The following ATR variants were observed in gnomAD, a reference collection of about 807,000 sequenced individuals.
ATR encodes the protein ATR checkpoint kinase, also known as serine/threonine-protein kinase ATR.
Under a neutral mutation model 305.3 loss-of-function variants are expected in ATR, and 142 were observed. That is an observed-to-expected ratio of 0.47 (90% CI 0.41 to 0.53). The LOEUF (loss-of-function observed/expected upper bound fraction) is 0.53, where lower values mean the gene tolerates loss of function less well. Ranked by LOEUF, ATR falls within the 20% of genes least tolerant of loss-of-function variation. The probability of loss-of-function intolerance (pLI) is 0.00; values close to 1 mark genes in which losing one functional copy is unlikely to be tolerated. For synonymous variants in ATR, 1,050 were observed against 1,068.1 expected, an observed-to-expected ratio of 0.98 and a Z score of 0.33; for missense variants, 2,135 against 3,133.1, an observed-to-expected ratio of 0.68 and a Z score of 7.60.
chr3:142,464,189 G>A (rs1244359260), intron 41 of ATR, among the ~76,000 whole-genome samples: 2 of 152,128 alleles, frequency 1.3e-5, no homozygotes, highest in Non-Finnish European at 2.9e-5. Context: ...GCAGTGGCAT[G>A]ATCATAGCTC....
chr3:142,524,833 T>C (rs2033301862), intron 21 of ATR, among the ~76,000 whole-genome samples: 1 of 152,210 alleles, frequency 6.6e-6, no homozygotes, highest in African/African-American at 2.4e-5. Context: ...GATGCTGTAA[T>C]GAATAAAATG....
At chr3:142,522,904 T>A (rs1194328888) in intron 22 of ATR, 63 bp from the exon 23 acceptor site, 38 of 1,234,378 alleles carry the variant, frequency 3.1e-5, no homozygotes, top group Non-Finnish European at 4.4e-5. Context: ...TTAGGTGTAC[T>A]GCTTTTTCCA....
In ATR at chr3:142,561,363, T is replaced by A. The variant is rs2034871528; in HGVS notation, c.1229A>T (p.Glu410Val). The A allele has an allele frequency of 6.2e-7, 1 of 1,614,084 alleles. No homozygotes were observed. The highest frequency in any genetic ancestry group is 8.5e-7 in the Non-Finnish European group (1 of 1,179,964). ...LKMESMEIIEEIQCQTQQENL... is the reference protein window; with the variant it reads ...LKMESMEIIEVIQCQTQQENL... ...TTCCTGTTGAGTTTGGCATTGAATC[T>A]CCTCAATGATTTCCATACTTTCCAT... Residue 410 changes from glutamate to valine, a missense_variant, in exon 5 of 47, where the codon GAG becomes GTG. Coordinates refer to ENST00000350721, the MANE Select transcript of ATR (RefSeq NM_001184.4).
chr3:142,489,017 T>C (rs184279711), intron 35 of ATR, among the ~76,000 whole-genome samples: 10 of 152,310 alleles, frequency 6.6e-5, no homozygotes, highest in Non-Finnish European at 1.5e-4. Context: ...ATCATTTTTA[T>C]TGCTATCCTA....
At chr3:142,483,496 C>T (rs903588308) in intron 36 of ATR, among the ~76,000 whole-genome samples, 3 of 152,000 alleles carry the variant, frequency 2.0e-5, no homozygotes, top group Middle Eastern at 3.2e-3. Flanking sequence ...ATATATTATA[C>T]CACTTCTTAT....
intron 14 of ATR, 97 bp downstream of exon 14, chr3:142,550,035 A>G (rs2034417085): frequency 6.8e-6 from 10 of 1,475,318 alleles, no homozygotes; most frequent in Non-Finnish European, 1.9e-6. Flanking sequence ...TAAGTTTTAC[A>G]GCATAAGCAA....
At chr3:142,538,994 G>A (rs989451715) in intron 18 of ATR, among the ~76,000 whole-genome samples, 124 of 151,924 alleles carry the variant, frequency 8.2e-4, no homozygotes, top group African/African-American at 2.8e-3. Context: ...TTTGAATTTG[G>A]GACTATGCAA....
intron 36 of ATR, among the ~76,000 whole-genome samples, chr3:142,476,629 A>G (rs1455691110): frequency 6.6e-6 from 1 of 152,176 alleles, no homozygotes; most frequent in East Asian, 1.9e-4. Flanking sequence ...AATTCTGTGA[A>G]GAAAGTCATT....
intron 29 of ATR, among the ~76,000 whole-genome samples, chr3:142,504,570 C>T (rs1164111736): frequency 1.3e-5 from 2 of 151,670 alleles, no homozygotes; most frequent in African/African-American, 4.8e-5. Context: ...TCAAGCAATT[C>T]TCTTGCCTCA....
At chr3:142,503,496 TA>T in intron 29 of ATR, 43 bp from the exon 30 acceptor site, 1 of 1,330,016 alleles carries the variant, frequency 7.5e-7, no homozygotes, top group Non-Finnish European at 1.1e-6. Flanking sequence ...ATCACTTCAA[TA>T]ATAGCTTGGG....
Position 142,469,190 on chromosome 3 carries a change from TTCTC to T in ATR, c.6552+143_6552+146del, listed in dbSNP as rs1031383007. The T allele has an allele frequency of 2.5e-5, 15 of 591,050 alleles. No individual in the cohort carries two copies. The African/African-American group carries it at 2.6e-4, about 10-fold the overall frequency. The allele number at this position is 591,050 out of a possible 1,614,324, so 36.6% of individuals were successfully genotyped here. A position where few individuals can be genotyped will look rare whatever the true frequency, so the allele number is the denominator to read the frequency against. On this transcript the variant is annotated intron_variant, in intron 38 of 46. Transcript: ENST00000350721. Reference sequence around the variant, plus strand: ...AATATTAAGATATAATGCTATAAATTTCTCTCTTTAAAAAAATATTTAAAATTAC... The same window carrying T: ...AATATTAAGATATAATGCTATAAATTTCTTTAAAAAAATATTTAAAATTAC...
chr3:142,451,027 C>T (rs1187990264), intron 46 of ATR: 9 of 1,262,878 alleles, frequency 7.1e-6, no homozygotes, highest in Non-Finnish European at 9.1e-6. Flanking sequence ...TCTTAAGAGA[C>T]ACCAGTGAAT....
In ATR at chr3:142,513,503, C is replaced by T. The variant is rs1386387112; in HGVS notation, c.4639G>A (p.Glu1547Lys). 5.0e-6 allele frequency: 8 copies of T among 1,613,456 alleles called. No homozygotes were observed. The highest frequency in any genetic ancestry group is 1.3e-5 in the African/African-American group (1 of 75,042). Residue 1547 changes from glutamate (E) to lysine (K), a missense_variant and splice_region_variant, in exon 26 of 47, where the codon GAG (glutamate) becomes AAG (lysine). Around this residue, in one of 9 missense-constraint regions of ATR, gnomAD observed 202 missense variants for 252.9 expected, o/e 0.80. Transcript: ENST00000350721. The part of the protein sequence containing the change: ...LLGCNQEDQQ[E>K]VYAEIMAVLK... ...CCAAGTAAGATGATTTATCTCACCT[C>T]CTGCTGATCTTCTTGATTACAACCC...
At chr3:142,505,064 C>CA (rs1412758866) in intron 29 of ATR, 75 bp downstream of exon 29, 39 of 1,567,546 alleles carry the variant, frequency 2.5e-5, no homozygotes, top group Admixed American at 3.4e-5. Context: ...CAAAACAAAA[C>CA]AAAAAAAACT....
intron 36 of ATR, among the ~76,000 whole-genome samples, chr3:142,474,831 CACT>C (rs1325031384): frequency 6.6e-6 from 1 of 152,022 alleles, no homozygotes; most frequent in Non-Finnish European, 1.5e-5. Flanking sequence ...AACTTTTCAC[CACT>C]GAGTATGATG....
chr3:142,577,451 G>A (rs963028250), intron 1 of ATR, among the ~76,000 whole-genome samples: 4 of 152,148 alleles, frequency 2.6e-5, no homozygotes, highest in African/African-American at 9.7e-5. Flanking sequence ...CTTTTAGAGA[G>A]GTAGAGGTTA....
chr3:142,496,476 G>A lies in ATR; in HGVS notation c.5783C>T (p.Ala1928Val), dbSNP rs2031652555. ...GTGACCAGCCTTTCTAGCTACCCTG[G>A]CACTCTGCAGCCAGCATTCTCCAAC... The part of the protein sequence containing the change: ...EMVGECWLQS[A>V]RVARKAGHHQ... The change falls in exon 34 of 47, where the codon GCC (alanine) becomes GTC (valine). Residue 1928 changes from alanine (A) to valine (V), a missense_variant. Coordinates refer to ENST00000350721, the MANE Select transcript of ATR (RefSeq NM_001184.4). The A allele has an allele frequency of 1.2e-6, 2 of 1,611,970 alleles. No individual in the cohort carries two copies. The highest frequency in any genetic ancestry group is 1.7e-6 in the Non-Finnish European group (2 of 1,179,442).
At chr3:142,467,540 A>C (rs1016191396) in intron 39 of ATR, among the ~76,000 whole-genome samples, 3 of 152,216 alleles carry the variant, frequency 2.0e-5, no homozygotes, top group African/African-American at 7.2e-5. Context: ...GTGTAGTTTA[A>C]TAATGTATAT....
At chr3:142,534,556 A>C (rs2108422766) in intron 21 of ATR, among the ~76,000 whole-genome samples, 1 of 152,276 alleles carries the variant, frequency 6.6e-6, no homozygotes, top group South Asian at 2.1e-4. Context: ...CAATTTATTC[A>C]TATACAGTGA....
Sources: allele counts gnomAD v4.1 joint callset (sites outside exome capture counted in the v4.1 genomes callset), GRCh38; gene constraint gnomAD v4.1.1; regional missense constraint gnomAD v4.1.1; transcripts MANE v1.5; gene names NCBI Gene and HGNC (gene_info 2026-07-23, HGNC 2026-07-21).